XPO4: variants seen among roughly 807,000 people sequenced by gnomAD.
XPO4 encodes the protein exportin-4.
A neutral mutation model predicts 143.0 loss-of-function variants in XPO4; 39 were observed. The ratio of observed to expected loss-of-function variants is 0.27; its 90% CI spans 0.21 to 0.36. The LOEUF (loss-of-function observed/expected upper bound fraction) is 0.36, where lower values mean the gene tolerates loss of function less well. Among genes scored for constraint, XPO4 ranks in the 10% least tolerant of loss-of-function variants. The pLI, the probability that XPO4 is intolerant of heterozygous loss-of-function variation, is 1.00. For synonymous variants in XPO4, 439 were observed against 474.0 expected, an observed-to-expected ratio of 0.93 and a Z score of 0.96; for missense variants, 907 against 1,348.0, an observed-to-expected ratio of 0.67 and a Z score of 5.12.
At position 20,792,723 on chromosome 13, in the gene XPO4, C is replaced by CAAAA. The variant is rs748612077; in HGVS notation, c.2798-2147_2798-2144dup. On this transcript the variant is annotated intron_variant, in intron 18 of 22. Transcript: ENST00000255305. ...GCAACAAAAGTAAAACTCTGTCTCA[C>CAAAA]AAAAAAAAAAAAAAAAAAAAGTCAG... Among the ~76,000 whole-genome samples, 27 of 98,012 alleles carry CAAAA rather than the reference C, an allele frequency of 2.8e-4. 1 individual carries two copies. Among genetic ancestry groups the CAAAA allele is most frequent in the Non-Finnish European group, 4.0e-4 (21 of 52,946 alleles). The allele number at this position is 98,012 out of a possible 152,430, so 64.3% of individuals were successfully genotyped here.
intron 9 of XPO4, among the ~76,000 whole-genome samples, chr13:20,812,891 T>G (rs2137910274): frequency 6.6e-6 from 1 of 152,154 alleles, no homozygotes; most frequent in East Asian, 1.9e-4. Context: ...AGAAAAAAAG[T>G]GAAAAAGCCA....
chr13:20,860,398 T>C (rs1473068699), intron 3 of XPO4, among the ~76,000 whole-genome samples: 2 of 152,182 alleles, frequency 1.3e-5, no homozygotes, highest in African/African-American at 4.8e-5. Flanking sequence ...AAGCACACTA[T>C]CATAATTGAT....
At chr13:20,886,596 G>A (rs1399375295) in intron 1 of XPO4, among the ~76,000 whole-genome samples, 1 of 150,974 alleles carries the variant, frequency 6.6e-6, no homozygotes, top group Non-Finnish European at 1.5e-5. Context: ...CTGGGCAACA[G>A]AACAAGACTC....
At chr13:20,840,273 T>A (rs1314628155) in intron 6 of XPO4, among the ~76,000 whole-genome samples, 1 of 152,120 alleles carries the variant, frequency 6.6e-6, no homozygotes, top group African/African-American at 2.4e-5. Flanking sequence ...AGTGGCATGA[T>A]CATGGCTCAC....
intron 18 of XPO4, among the ~76,000 whole-genome samples, chr13:20,791,036 G>A (rs562692146): frequency 2.4e-4 from 37 of 152,006 alleles, no homozygotes; most frequent in African/African-American, 8.9e-4. Flanking sequence ...AAATTAAAAT[G>A]TTACATAAAA....
rs182734154 is a variant in XPO4, at chr13:20,893,877, C to A, written c.69+8793G>T. On this transcript the variant is annotated intron_variant, in intron 1 of 22. Coordinates refer to ENST00000255305, the MANE Select transcript of XPO4 (RefSeq NM_022459.5). ...TTTTGTTTTTGAAACAGAGTTCGCT[C>A]TTGTTGCCCAGGCTGGAGTGCAATG... 2.3e-3 allele frequency among the ~76,000 whole-genome samples: 355 copies of A among 152,158 alleles called. 1 individual carries two copies. The highest frequency in any genetic ancestry group is 7.6e-3 in the African/African-American group (316 of 41,514).
intron 3 of XPO4, chr13:20,856,241 C>T (rs1244708895): frequency 5.5e-6 from 4 of 724,682 alleles, no homozygotes; most frequent in Admixed American, 6.3e-5. Context: ...AATCCTAAAT[C>T]CCATTTCCCT....
chr13:20,800,077 A>C, intron 15 of XPO4, 79 bp downstream of exon 15: 2 of 1,514,126 alleles, frequency 1.3e-6, no homozygotes, highest in Non-Finnish European at 8.9e-7. Context: ...TGCCAGTTCA[A>C]AGGACTACAC....
intron 2 of XPO4, among the ~76,000 whole-genome samples, chr13:20,867,993 A>G (rs989920706): frequency 6.6e-6 from 1 of 152,232 alleles, no homozygotes; most frequent in East Asian, 1.9e-4. Context: ...GATAAGAGTT[A>G]TATTTCTTGT....
In XPO4 at chr13:20,902,703, G is replaced by A. The variant is rs376658011; in HGVS notation, c.36C>T (p.Ile12=). Residue 12 remains isoleucine (I), a synonymous_variant, in exon 1 of 23, where the codon ATC becomes ATT. Coordinates refer to ENST00000255305, the MANE Select transcript of XPO4 (RefSeq NM_022459.5). ...MAAALGPPEV[I]AQLENAAKVL... is the part of the protein sequence containing the mutation. ...CTTTAGCCGCGTTCTCCAGCTGAGC[G>A]ATCACTTCTGGGGGCCCCAGCGCCG... The A allele has an allele frequency of 9.0e-5, 143 of 1,585,314 alleles. No individual in the cohort carries two copies. The highest frequency in any genetic ancestry group is 3.9e-5 in the Non-Finnish European group (45 of 1,166,414).
In XPO4 at chr13:20,854,595, G is replaced by A. The variant is rs556003640; in HGVS notation, c.456+1032C>T. On this transcript the variant is annotated intron_variant, in intron 4 of 22. Transcript: ENST00000255305. Reference sequence around the variant, plus strand: ...AATACTTAAAGATGTAATAATATCCGAGACTCAGAATGGCCAAGTATTACC... The same window carrying A: ...AATACTTAAAGATGTAATAATATCCAAGACTCAGAATGGCCAAGTATTACC... 3.2e-4 allele frequency among the ~76,000 whole-genome samples: 49 copies of A among 152,262 alleles called. 1 individual carries two copies. Among genetic ancestry groups the A allele is most frequent in the Admixed American group, 1.2e-3 (18 of 15,308 alleles).
chr13:20,860,851 T>C (rs747721595), intron 3 of XPO4, among the ~76,000 whole-genome samples: 3 of 151,760 alleles, frequency 2.0e-5, no homozygotes, highest in Non-Finnish European at 4.4e-5. Context: ...TATCCACTTA[T>C]CTACAGGACA....
chr13:20,859,329 G>A (rs942259390), intron 3 of XPO4, among the ~76,000 whole-genome samples: 4 of 152,134 alleles, frequency 2.6e-5, no homozygotes, highest in African/African-American at 4.8e-5. Flanking sequence ...GGCCAGGCAC[G>A]GTGGCTCATA....
At chr13:20,861,777 C>CTCTTTTTTTTTTTTT (rs1370810623) in intron 3 of XPO4, among the ~76,000 whole-genome samples, 1 of 73,394 alleles carries the variant, frequency 1.4e-5, no homozygotes, top group African/African-American at 4.8e-5. Context: ...ACATTTCTCT[C>CTCTTTTTTTTTTTTT]TTTTTTTTTT....
chr13:20,869,209 G>C (rs1316397776), intron 1 of XPO4, among the ~76,000 whole-genome samples: 3 of 151,898 alleles, frequency 2.0e-5, no homozygotes, highest in Non-Finnish European at 1.5e-5. Context: ...GAAAAATTTG[G>C]GAACAGTTAA....
At chr13:20,804,117 T>C (rs891912742) in intron 13 of XPO4, among the ~76,000 whole-genome samples, 2 of 148,070 alleles carry the variant, frequency 1.4e-5, no homozygotes, top group African/African-American at 5.0e-5. Flanking sequence ...TTTTATCATA[T>C]ATATACACTA....
At position 20,827,691 on chromosome 13, in the gene XPO4, G is replaced by GA. The variant is rs1212957143; in HGVS notation, c.728-513dup. On this transcript the variant is annotated intron_variant, in intron 6 of 22. Coordinates refer to ENST00000255305, the MANE Select transcript of XPO4 (RefSeq NM_022459.5). ...AAGAGTAAACACATATAATATTAAA[G>GA]AAAAAAAACTCCCACAGGTCACAGT... Among the ~76,000 whole-genome samples, 17 of 151,434 alleles carry GA rather than the reference G, an allele frequency of 1.1e-4. No individual in the cohort carries two copies. The South Asian group carries it at 3.3e-3, about 30-fold the overall frequency.
intron 3 of XPO4, chr13:20,857,758 T>C (rs2060159241): frequency 1.2e-6 from 1 of 828,994 alleles, no homozygotes; most frequent in Non-Finnish European, 1.5e-6. Flanking sequence ...ATCAGAAAAT[T>C]AATGCACAAA....
rs183975214 is a variant in XPO4, at chr13:20,869,836, C to T, written c.70-1135G>A. 2.3e-3 allele frequency among the ~76,000 whole-genome samples: 344 copies of T among 152,176 alleles called. 1 individual carries two copies. The highest frequency in any genetic ancestry group is 3.6e-3 in the Non-Finnish European group (244 of 68,002). On this transcript the variant is annotated intron_variant, in intron 1 of 22. Transcript: ENST00000255305. ...AAGAACTGTGTTGGCTGGTCCCAGT[C>T]GCTCATGCCTGTAATCCTAGCACTT...
Sources: gnomAD v4.1 joint callset for allele counts (sites outside exome capture counted in the v4.1 genomes callset) on GRCh38, gnomAD v4.1.1 for gene constraint, MANE v1.5 for transcripts, NCBI Gene and HGNC (gene_info 2026-07-23, HGNC 2026-07-21) for gene names.